The following ZNF385B variants were observed in gnomAD, a reference collection of about 807,000 sequenced individuals.
The protein encoded by ZNF385B is zinc finger protein 533.
Under a neutral mutation model 39.2 loss-of-function variants are expected in ZNF385B, and 23 were observed. The observed-to-expected ratio is 0.59, with a 90% CI of 0.42 to 0.83. The LOEUF is 0.83. Among genes scored for constraint, ZNF385B ranks in the 40% least tolerant of loss-of-function variants. The pLI is 0.00. For synonymous variants in ZNF385B, 205 were observed against 222.6 expected (o/e 0.92, Z 0.70); for missense variants, 552 against 598.9 (o/e 0.92, Z 0.82).
At chr2:179,782,348 G>C (rs1285683297) in intron 1 of ZNF385B, among the ~76,000 whole-genome samples, 1 of 152,042 alleles carries the variant, frequency 6.6e-6, no homozygotes, top group Non-Finnish European at 1.5e-5. Context: ...AATAATAAGA[G>C]CCATCTATGA....
intron 6 of ZNF385B, among the ~76,000 whole-genome samples, chr2:179,451,720 A>G (rs538894633): frequency 6.6e-6 from 1 of 152,256 alleles, no homozygotes; most frequent in African/African-American, 2.4e-5. Context: ...AAATTTGAAA[A>G]GTCACTGATA....
At chr2:179,608,749 C>G (rs147017762) in intron 3 of ZNF385B, among the ~76,000 whole-genome samples, 252 of 151,986 alleles carry the variant, frequency 1.7e-3, no homozygotes, top group African/African-American at 5.4e-3. Context: ...TAAGTGATGA[C>G]TCACTGTTGG....
At chr2:179,700,089 T>A (rs1188696421) in intron 3 of ZNF385B, among the ~76,000 whole-genome samples, 1 of 41,472 alleles carries the variant, frequency 2.4e-5, no homozygotes, top group Non-Finnish European at 5.9e-5. Context: ...ACAAAACAGA[T>A]CTTGCCAAAA....
rs375609770 is a variant in ZNF385B, at chr2:179,801,646, C to T, written c.-154-30974G>A. On this transcript the variant is annotated intron_variant, in intron 1 of 9. Coordinates refer to ENST00000410066, the MANE Select transcript of ZNF385B (RefSeq NM_152520.6). ...AATTTTGAACCTCTAGGGCTTATCA[C>T]GGCCCCTGCCATATAAAAATTTGTA... 5.3e-5 allele frequency among the ~76,000 whole-genome samples: 8 copies of T among 152,240 alleles called. No homozygotes were observed. In the South Asian group the frequency reaches 8.3e-4, roughly 16 times the overall value.
chr2:179,442,523 C>T lies in ZNF385B; in HGVS notation c.*727G>A, dbSNP rs111959713. The T allele has an allele frequency of 0.02, 3,077 of 152,660 alleles. 36 individuals carry two copies. Among genetic ancestry groups the T allele is most frequent in the African/African-American group, 0.027 (1,134 of 41,530 alleles). 9.5% of individuals were successfully genotyped at this position (152,660 alleles called of 1,614,324 possible). On this transcript the variant is annotated 3_prime_UTR_variant, in exon 10 of 10. Coordinates refer to ENST00000410066, the MANE Select transcript of ZNF385B (RefSeq NM_152520.6). ...GGCTTTCTATTTCATTTAAATATCT[C>T]CAAATAAAATGTGAAATAAAGAAAA...
At chr2:179,622,854 C>T (rs1690329734) in intron 3 of ZNF385B, among the ~76,000 whole-genome samples, 1 of 151,972 alleles carries the variant, frequency 6.6e-6, no homozygotes, top group Admixed American at 6.6e-5. Context: ...GGGTGCCTAG[C>T]AAAGGGAGGG....
intron 3 of ZNF385B, among the ~76,000 whole-genome samples, chr2:179,728,222 A>G (rs1246537393): frequency 6.6e-6 from 1 of 152,158 alleles, no homozygotes; most frequent in Non-Finnish European, 1.5e-5. Flanking sequence ...TTCTGGAGAA[A>G]ATAAAAAACA....
chr2:179,710,857 C>G (rs567344664), intron 3 of ZNF385B, among the ~76,000 whole-genome samples: 2 of 152,234 alleles, frequency 1.3e-5, no homozygotes, highest in Non-Finnish European at 2.9e-5. Flanking sequence ...CTGCTCCAAG[C>G]ACCTCACCTG....
chr2:179,714,219 C>G (rs1700178563), intron 3 of ZNF385B, among the ~76,000 whole-genome samples: 1 of 152,160 alleles, frequency 6.6e-6, no homozygotes, highest in African/African-American at 2.4e-5. Context: ...ATAACAATAA[C>G]AATGACCAGA....
intron 6 of ZNF385B, among the ~76,000 whole-genome samples, chr2:179,472,583 T>A (rs1406731805): frequency 6.6e-6 from 1 of 152,220 alleles, no homozygotes; most frequent in Non-Finnish European, 1.5e-5. Context: ...AAGCATGTAT[T>A]TTTTAGAAGC....
intron 1 of ZNF385B, among the ~76,000 whole-genome samples, chr2:179,794,350 A>T (rs1705520973): frequency 6.6e-6 from 1 of 152,176 alleles, no homozygotes; most frequent in Non-Finnish European, 1.5e-5. Context: ...GAGTGTATAT[A>T]TTGTAGCTAA....
intron 3 of ZNF385B, among the ~76,000 whole-genome samples, chr2:179,652,090 TA>T (rs913756624): frequency 1.2e-4 from 18 of 152,156 alleles, no homozygotes; most frequent in African/African-American, 4.3e-4. Context: ...AACTCTTGTC[TA>T]GACAAAGCAT....
intron 3 of ZNF385B, among the ~76,000 whole-genome samples, chr2:179,641,870 C>T (rs181182197): frequency 2.6e-5 from 4 of 152,142 alleles, no homozygotes; most frequent in East Asian, 1.9e-4. Context: ...GAGATGCTTT[C>T]GATGAAGGTG....
At chr2:179,851,117 A>C (rs1232475948) in intron 1 of ZNF385B, among the ~76,000 whole-genome samples, 1 of 152,124 alleles carries the variant, frequency 6.6e-6, no homozygotes, top group Non-Finnish European at 1.5e-5. Flanking sequence ...CCCCTTCACC[A>C]ATCTCTTCAG....
chr2:179,725,958 A>G (rs1415483770), intron 3 of ZNF385B, among the ~76,000 whole-genome samples: 1 of 150,810 alleles, frequency 6.6e-6, no homozygotes, highest in Non-Finnish European at 1.5e-5. Context: ...AGAGAGATAA[A>G]TCTAGACAAT....
At chr2:179,598,116 C>A (rs914480183) in intron 3 of ZNF385B, among the ~76,000 whole-genome samples, 2 of 152,036 alleles carry the variant, frequency 1.3e-5, no homozygotes, top group African/African-American at 4.8e-5. Flanking sequence ...TGAAGACATA[C>A]TCAATGAATA....
intron 3 of ZNF385B, among the ~76,000 whole-genome samples, chr2:179,724,261 A>T (rs192590907): frequency 7.6e-4 from 115 of 152,274 alleles, no homozygotes; most frequent in Middle Eastern, 3.4e-3. Flanking sequence ...GTGAGCCAAG[A>T]TTGCGCCACT....
chr2:179,777,172 C>T (rs1348122362), intron 1 of ZNF385B, among the ~76,000 whole-genome samples: 5 of 150,532 alleles, frequency 3.3e-5, no homozygotes, highest in Admixed American at 2.7e-4. Flanking sequence ...ATACAAATAG[C>T]GTAATGATGT....
intron 3 of ZNF385B, among the ~76,000 whole-genome samples, chr2:179,681,916 C>T (rs1409578690): frequency 6.6e-6 from 1 of 152,176 alleles, no homozygotes; most frequent in Non-Finnish European, 1.5e-5. Flanking sequence ...AATGACATGC[C>T]TATAATCTTG....
Sources: gnomAD v4.1 joint callset for allele counts (sites outside exome capture counted in the v4.1 genomes callset) on GRCh38, gnomAD v4.1.1 for gene constraint, MANE v1.5 for transcripts, NCBI Gene and HGNC (gene_info 2026-07-23, HGNC 2026-07-21) for gene names.